Variants in WDR3 observed in about 807,000 individuals in gnomAD.
The protein encoded by WDR3 is WD repeat-containing protein 3.
A neutral mutation model predicts 123.7 loss-of-function variants in WDR3; 81 were observed. That is an observed-to-expected ratio of 0.65 (90% confidence interval 0.55 to 0.79). The LOEUF (loss-of-function observed/expected upper bound fraction) is 0.79, where lower values mean the gene tolerates loss of function less well. Among genes scored for constraint, WDR3 ranks in the 30% least tolerant of loss-of-function variants. The pLI, the probability that WDR3 is intolerant of heterozygous loss-of-function variation, is 0.00. For missense variants in WDR3, 1,027 were observed against 1,123.2 expected, an observed-to-expected ratio of 0.91 and a Z score of 1.22; for synonymous variants, 390 against 388.8, an observed-to-expected ratio of 1.00 and a Z score of -0.04.
chr1:117,931,066 G>A (rs1351955086), intron 1 of WDR3, among the ~76,000 whole-genome samples: 2 of 152,168 alleles, frequency 1.3e-5, no homozygotes, highest in African/African-American at 4.8e-5. Context: ...TTCTGCCTCA[G>A]CCTCCCCGAG....
chr1:117,954,141 A>T, intron 22 of WDR3, 42 bp downstream of exon 22: 1 of 1,526,740 alleles, frequency 6.5e-7, no homozygotes, highest in Non-Finnish European at 9.0e-7. Flanking sequence ...AATAAAGGGA[A>T]TTCCCAAGGA....
chr1:117,962,474 G>A lies in WDR3; in HGVS notation c.*3027G>A, dbSNP rs1653231155. On this transcript the variant is annotated 3_prime_UTR_variant, in exon 27 of 27. Coordinates refer to ENST00000349139, the MANE Select transcript of WDR3 (RefSeq NM_006784.3). ...AAATTCTGTAGTACCATAAAGAAAA[G>A]CCTTTTGAGATTGCAGTGAGCTGAG... The A allele has an allele frequency of 6.6e-6, 1 of 151,410 alleles. No homozygotes were observed. Among genetic ancestry groups the A allele is most frequent in the Admixed American group, 6.6e-5 (1 of 15,204 alleles). The allele number at this position is 151,410 out of a possible 1,614,324, so 9.4% of individuals were successfully genotyped here. A position where few individuals can be genotyped will look rare whatever the true frequency, so the allele number is the denominator to read the frequency against.
chr1:117,952,052 A>G lies in WDR3; in HGVS notation c.1880A>G (p.Lys627Arg). 1 of 1,613,392 alleles carries G rather than the reference A, an allele frequency of 6.2e-7. No individual in the cohort carries two copies. The highest frequency in any genetic ancestry group is 8.5e-7 in the Non-Finnish European group (1 of 1,179,450). The change falls in exon 17 of 27, where the codon AAG (lysine) becomes AGG (arginine). Residue 627 changes from lysine (K) to arginine (R), a missense_variant. Transcript: ENST00000349139. ...IWGLDFGDCH[K>R]SLFAHDDSVM... is the part of the protein sequence containing the mutation. ...GGTTTGGACTTTGGGGACTGCCACA[A>G]GTCTCTCTTTGCACATGATGACAGG...
At chr1:117,953,934 G>C in intron 21 of WDR3, 73 bp from the exon 22 acceptor site, 1 of 1,320,078 alleles carries the variant, frequency 7.6e-7, no homozygotes, top group Non-Finnish European at 1.1e-6. Flanking sequence ...TTTCTGGTCA[G>C]TTCTTCCAGT....
intron 16 of WDR3, 83 bp downstream of exon 16, chr1:117,950,973 CT>C: frequency 8.9e-7 from 1 of 1,123,136 alleles, no homozygotes. Context: ...ATGTCTTCAT[CT>C]TAGATTATTT....
chr1:117,953,090 A>G (rs1651704823), intron 20 of WDR3, 94 bp downstream of exon 20: 1 of 1,428,344 alleles, frequency 7.0e-7, no homozygotes, highest in Non-Finnish European at 9.6e-7. Flanking sequence ...TAGAATTAAA[A>G]TTGAGGCTAG....
rs58411603 is a variant in WDR3 at position 117,960,148 on chromosome 1, A to G, written c.*701A>G. The G allele has an allele frequency of 0.045, 3,637 of 80,304 alleles. 144 individuals are homozygous for G. The highest frequency in any genetic ancestry group is 0.17 in the African/African-American group (3,301 of 19,802). 5.0% of individuals were successfully genotyped at this position (80,304 alleles called of 1,614,324 possible). A position where few individuals can be genotyped will look rare whatever the true frequency, so the allele number is the denominator to read the frequency against. Reference sequence around the variant, plus strand: ...TGTGTGTGTGTGTGTGTGTGTGTGTATGTGTATGTGTATGTACACATACAT... The same window carrying G: ...TGTGTGTGTGTGTGTGTGTGTGTGTGTGTGTATGTGTATGTACACATACAT... On this transcript the variant is annotated 3_prime_UTR_variant, in exon 27 of 27. Coordinates refer to ENST00000349139, the MANE Select transcript of WDR3 (RefSeq NM_006784.3).
intron 26 of WDR3, 61 bp from the exon 27 acceptor site, chr1:117,959,231 C>A: frequency 6.4e-7 from 1 of 1,556,868 alleles, no homozygotes; most frequent in Non-Finnish European, 8.7e-7. Flanking sequence ...AACTCTCATA[C>A]GCTGCTATAA....
chr1:117,933,517 C>G, intron 2 of WDR3, 27 bp downstream of exon 2: 5 of 1,613,394 alleles, frequency 3.1e-6, no homozygotes, highest in Non-Finnish European at 4.2e-6. Context: ...CAGTTTGATA[C>G]TGATTTATTG....
intron 1 of WDR3, among the ~76,000 whole-genome samples, chr1:117,932,418 C>G (rs1650762489): frequency 6.6e-6 from 1 of 152,152 alleles, no homozygotes; most frequent in South Asian, 2.1e-4. Context: ...AAATCAGAAA[C>G]AGGTGCTGGG....
intron 4 of WDR3, among the ~76,000 whole-genome samples, chr1:117,937,148 T>G (rs1650970636): frequency 6.6e-6 from 1 of 152,194 alleles, no homozygotes; most frequent in Non-Finnish European, 1.5e-5. Flanking sequence ...CTTTTGAAAC[T>G]CATTATAGAA....
chr1:117,959,434 T>G lies in WDR3; in HGVS notation c.2819T>G (p.Leu940Arg), dbSNP rs1322518828. Residue 940 changes from leucine to arginine, a missense_variant, in exon 27 of 27, where the codon CTA (leucine) becomes CGA (arginine). Coordinates refer to ENST00000349139, the MANE Select transcript of WDR3 (RefSeq NM_006784.3). ...AGGAAAAAGAGGGAGAAGTTGATTC[T>G]AACGTTGACTTAGAACTGAAATGTG... is the stretch of plus-strand genomic sequence containing the variant. ...RKRKKREKLILTLT is the reference protein window; with the variant it reads ...RKRKKREKLIRTLT 6.2e-7 allele frequency: 1 copy of G among 1,609,898 alleles called. No homozygotes were observed. Among genetic ancestry groups the G allele is most frequent in the African/African-American group, 1.3e-5 (1 of 74,604 alleles).
At position 117,966,169 on chromosome 1, in the gene WDR3, G is replaced by T. The variant is rs1653816973; in HGVS notation, c.*6722G>T. ...TATATATGATAAACTATTTTATACA[G>T]TACCTTGGAGGTAATAGGTTCTTGA... On this transcript the variant is annotated 3_prime_UTR_variant, in exon 27 of 27. Transcript: ENST00000349139. 1 of 153,546 alleles carries T rather than the reference G, an allele frequency of 6.5e-6. No homozygotes were observed. Among genetic ancestry groups the T allele is most frequent in the Non-Finnish European group, 1.4e-5 (1 of 68,994 alleles). The allele number at this position is 153,546 out of a possible 1,614,324, so 9.5% of individuals were successfully genotyped here. A position where few individuals can be genotyped will look rare whatever the true frequency, so the allele number is the denominator to read the frequency against.
rs1407531433 is a variant in WDR3 at position 117,941,283 on chromosome 1, A to G, written c.891+58A>G. The G allele has an allele frequency of 2.8e-5, 42 of 1,508,462 alleles. No homozygotes were observed. The East Asian group carries it at 4.5e-4, about 16-fold the overall frequency. 93.4% of individuals were successfully genotyped at this position (1,508,462 alleles called of 1,614,324 possible). On this transcript the variant is annotated intron_variant, in intron 8 of 26. Coordinates refer to ENST00000349139, the MANE Select transcript of WDR3 (RefSeq NM_006784.3). ...ACTAGGCTGTTCCTTCCAAACACTC[A>G]TTCTTTCATATTCAATGTAAAGATG...
intron 21 of WDR3, 147 bp from the exon 22 acceptor site, chr1:117,953,860 A>T: frequency 1.5e-6 from 1 of 685,986 alleles, no homozygotes; most frequent in Non-Finnish European, 2.4e-6. Flanking sequence ...ATGTCTTTAA[A>T]TGCTTTTTGG....
chr1:117,948,255 A>C, intron 12 of WDR3, 150 bp from the exon 13 acceptor site: 1 of 640,692 alleles, frequency 1.6e-6, no homozygotes, highest in South Asian at 1.9e-5. Flanking sequence ...CAGGTAGGAA[A>C]TACAGAACAT....
intron 25 of WDR3, among the ~76,000 whole-genome samples, chr1:117,957,521 C>G (rs1652393809): frequency 6.6e-6 from 1 of 152,222 alleles, no homozygotes; most frequent in Admixed American, 6.5e-5. Flanking sequence ...AGCTCTGGTT[C>G]TAGTCAGTTT....
chr1:117,953,976 G>A, intron 21 of WDR3, 31 bp from the exon 22 acceptor site: 1 of 1,576,214 alleles, frequency 6.3e-7, no homozygotes, highest in Non-Finnish European at 8.7e-7. Flanking sequence ...AGTATGTTGT[G>A]ATGACTTCTT....
intron 10 of WDR3, 25 bp from the exon 11 acceptor site, chr1:117,943,371 C>T (rs1651248606): frequency 4.4e-6 from 7 of 1,584,060 alleles, no homozygotes; most frequent in South Asian, 1.1e-5. Flanking sequence ...GTAGCTAGAA[C>T]ATTTATGATT....
Sources: allele counts gnomAD v4.1 joint callset (sites outside exome capture counted in the v4.1 genomes callset), GRCh38; gene constraint gnomAD v4.1.1; transcripts MANE v1.5; gene names NCBI Gene and HGNC (gene_info 2026-07-23, HGNC 2026-07-21).